Variants in CYSTM1 observed in about 807,000 individuals in gnomAD.
CYSTM1 encodes cysteine rich transmembrane module containing 1.
Under a neutral mutation model 13.1 loss-of-function variants are expected in CYSTM1, and 4 were observed. The observed-to-expected ratio is 0.31, with a 90% CI of 0.15 to 0.70. The LOEUF (loss-of-function observed/expected upper bound fraction) is 0.70, where lower values mean the gene tolerates loss of function less well. CYSTM1 is among the 30% of genes least tolerant of loss of function. The pLI, the probability that CYSTM1 is intolerant of heterozygous loss-of-function variation, is 0.72. For synonymous variants in CYSTM1, 36 were observed against 42.7 expected, an observed-to-expected ratio of 0.84 and a Z score of 0.62; for missense variants, 96 against 121.6, an observed-to-expected ratio of 0.79 and a Z score of 0.99.
chr5:140,216,596 A>G (rs1764429524), intron 2 of CYSTM1, among the ~76,000 whole-genome samples: 1 of 152,174 alleles, frequency 6.6e-6, no homozygotes, highest in South Asian at 2.1e-4. Flanking sequence ...TTCTCCAGGA[A>G]ATATTTACTT....
intron 2 of CYSTM1, 142 bp downstream of exon 2, chr5:140,194,794 G>T: frequency 9.4e-7 from 1 of 1,059,280 alleles, no homozygotes. Context: ...GGCTTAGGGT[G>T]GATTCTCACT....
intron 2 of CYSTM1, among the ~76,000 whole-genome samples, chr5:140,197,601 T>G (rs1046510822): frequency 2.6e-5 from 4 of 152,246 alleles, no homozygotes; most frequent in Non-Finnish European, 5.9e-5. Context: ...GGGACCCATT[T>G]TATTCCTTGC....
chr5:140,193,743 G>A (rs761692529), intron 1 of CYSTM1, among the ~76,000 whole-genome samples: 1 of 152,248 alleles, frequency 6.6e-6, no homozygotes, highest in Non-Finnish European at 1.5e-5. Context: ...AACCATGGAG[G>A]ACAGGGTCCT....
At chr5:140,235,366 T>C (rs1254470283) in intron 2 of CYSTM1, among the ~76,000 whole-genome samples, 1 of 151,964 alleles carries the variant, frequency 6.6e-6, no homozygotes, top group African/African-American at 2.4e-5. Context: ...ACTGTAGTAA[T>C]GTCACCCATG....
chr5:140,193,885 C>T (rs1422316384), intron 1 of CYSTM1, among the ~76,000 whole-genome samples: 1 of 152,194 alleles, frequency 6.6e-6, no homozygotes, highest in African/African-American at 2.4e-5. Context: ...GGAGAACAAC[C>T]AGATCACCCC....
intron 2 of CYSTM1, among the ~76,000 whole-genome samples, chr5:140,212,120 A>T (rs751841648): frequency 6.6e-6 from 1 of 152,216 alleles, no homozygotes; most frequent in Non-Finnish European, 1.5e-5. Context: ...ATTCAGAGGG[A>T]TGACATAACT....
chr5:140,184,559 A>G (rs369393780), intron 1 of CYSTM1, among the ~76,000 whole-genome samples: 4 of 152,322 alleles, frequency 2.6e-5, no homozygotes, highest in South Asian at 2.1e-4. Flanking sequence ...ACCCGCTATA[A>G]AAAGAAAGGC....
rs553479548 is a variant in CYSTM1, at chr5:140,212,222, G to A, written c.187+17570G>A. ...GTATTCTTAACTACAGTCATGCACC[G>A]CCGCATAAGGATGTCTTGGTCAACA... is the stretch of plus-strand genomic sequence containing the variant. On this transcript the variant is annotated intron_variant, in intron 2 of 2. Transcript: ENST00000261811. Among the ~76,000 whole-genome samples, 21 of 152,174 alleles carry A rather than the reference G, an allele frequency of 1.4e-4. No individual in the cohort carries two copies. In the South Asian group the frequency reaches 3.3e-3, roughly 24 times the overall value.
intron 2 of CYSTM1, among the ~76,000 whole-genome samples, chr5:140,199,560 G>C (rs1764202346): frequency 6.6e-6 from 1 of 152,184 alleles, no homozygotes; most frequent in Admixed American, 6.5e-5. Context: ...GCGCGATCTT[G>C]ACTTACTGCA....
Position 140,243,292 on chromosome 5 carries a change from C to T in CYSTM1, c.188-13C>T, listed in dbSNP as rs1364941925. 2 of 1,611,988 alleles carry T rather than the reference C, an allele frequency of 1.2e-6. No homozygotes were observed. The highest frequency in any genetic ancestry group is 1.3e-5 in the African/African-American group (1 of 75,016). The stretch of plus-strand genomic sequence containing the variant: ...CCAGTCCATTCTCACCCTCTTCCCT[C>T]TTCTCCCTCCAGTGTATGTGGTAGA... On this transcript the variant is annotated splice_polypyrimidine_tract_variant and intron_variant, in intron 2 of 2. Transcript: ENST00000261811.
chr5:140,188,221 A>G (rs1764045577), intron 1 of CYSTM1, among the ~76,000 whole-genome samples: 1 of 151,784 alleles, frequency 6.6e-6, no homozygotes, highest in Non-Finnish European at 1.5e-5. Flanking sequence ...ACTATGTATA[A>G]CACCACAGCT....
At chr5:140,224,442 GCAGACTTTCTTA>G (rs1362407245) in intron 2 of CYSTM1, among the ~76,000 whole-genome samples, 2 of 151,892 alleles carry the variant, frequency 1.3e-5, no homozygotes, top group Non-Finnish European at 2.9e-5. Context: ...CCCAGCTGCC[GCAGACTTTCTTA>G]CAAAACTCTA....
At position 140,175,599 on chromosome 5, in the gene CYSTM1, CG is replaced by C. The variant is rs1763871704; in HGVS notation, c.-21+316del. On this transcript the variant is annotated intron_variant, in intron 1 of 2. Coordinates refer to ENST00000261811, the MANE Select transcript of CYSTM1 (RefSeq NM_032412.4). This position sits in a 1 kb window ranked among gnomAD's most constrained non-coding sequence, Gnocchi z 4.9. ...TCGTCTCACGAGGAGTCGGCGGGCT[CG>C]GAGCGGGGCTCGCCACACCCCGTCC... Among the ~76,000 whole-genome samples, 1 of 152,166 alleles carries C rather than the reference CG, an allele frequency of 6.6e-6. No homozygotes were observed. Among genetic ancestry groups the C allele is most frequent in the Non-Finnish European group, 1.5e-5 (1 of 68,012 alleles).
At chr5:140,178,285 C>T (rs922013434) in intron 1 of CYSTM1, among the ~76,000 whole-genome samples, 3 of 151,902 alleles carry the variant, frequency 2.0e-5, no homozygotes, top group African/African-American at 7.3e-5. Flanking sequence ...CACAGAGGTA[C>T]CAAGGAGAAT....
At chr5:140,218,780 G>T (rs958277136) in intron 2 of CYSTM1, among the ~76,000 whole-genome samples, 4 of 152,204 alleles carry the variant, frequency 2.6e-5, no homozygotes, top group Admixed American at 1.3e-4. Context: ...TTTGGAGTTT[G>T]CTGAGAGTCC....
At chr5:140,210,927 GAGA>G (rs1450423838) in intron 2 of CYSTM1, among the ~76,000 whole-genome samples, 1 of 152,118 alleles carries the variant, frequency 6.6e-6, no homozygotes, top group Non-Finnish European at 1.5e-5. Context: ...CCTGCTGAGG[GAGA>G]AGGTTTTGGA....
rs952936623 is a variant in CYSTM1, at chr5:140,239,411, A to G, written c.188-3894A>G. Among the ~76,000 whole-genome samples the G allele has an allele frequency of 1.3e-5, 2 of 152,144 alleles. No individual in the cohort carries two copies. Among genetic ancestry groups the G allele is most frequent in the Non-Finnish European group, 2.9e-5 (2 of 68,020 alleles). On this transcript the variant is annotated intron_variant, in intron 2 of 2. Coordinates refer to ENST00000261811, the MANE Select transcript of CYSTM1 (RefSeq NM_032412.4). This position sits in a 1 kb window ranked among gnomAD's most constrained non-coding sequence, Gnocchi z 5.4. The stretch of plus-strand genomic sequence containing the variant: ...CAATACAGTAGTCCTAGATCCTGGG[A>G]CCAAGGGGACTACTGGTTGGTGTGT...
chr5:140,221,367 C>T (rs114656026), intron 2 of CYSTM1, among the ~76,000 whole-genome samples: 281 of 152,326 alleles, frequency 1.8e-3, no homozygotes, highest in African/African-American at 6.4e-3. Context: ...TGAACAACAA[C>T]TCACCATTTT....
rs190406190 is a variant in CYSTM1, at chr5:140,219,256, T to G, written c.188-24049T>G. Among the ~76,000 whole-genome samples the G allele has an allele frequency of 3.9e-5, 6 of 152,284 alleles. No individual in the cohort carries two copies. The highest frequency in any genetic ancestry group is 8.8e-5 in the Non-Finnish European group (6 of 68,024). On this transcript the variant is annotated intron_variant, in intron 2 of 2. Coordinates refer to ENST00000261811, the MANE Select transcript of CYSTM1 (RefSeq NM_032412.4). This position sits in a 1 kb window ranked among gnomAD's most constrained non-coding sequence, Gnocchi z 4.1. ...AGGACCATTTGCCCTTGATTCTAGG[T>G]GGATGTCAGCTTGTGTTACAAAACA...
Sources: allele counts gnomAD v4.1 joint callset (sites outside exome capture counted in the v4.1 genomes callset), GRCh38; gene constraint gnomAD v4.1.1; non-coding constraint Gnocchi (gnomAD v3.1); transcripts MANE v1.5; gene names NCBI Gene and HGNC (gene_info 2026-07-23, HGNC 2026-07-21).